The following VPS26C variants were observed in gnomAD, a reference collection of about 807,000 sequenced individuals.
VPS26C encodes the protein vacuolar protein sorting-associated protein 26C.
A neutral mutation model predicts 30.6 loss-of-function variants in VPS26C; 19 were observed. The observed-to-expected ratio is 0.62, with a 90% CI of 0.43 to 0.91. VPS26C has a LOEUF of 0.91. VPS26C is among the 40% of genes least tolerant of loss of function. The probability of loss-of-function intolerance (pLI) is 0.00; values close to 1 mark genes in which losing one functional copy is unlikely to be tolerated. For missense variants in VPS26C, 318 were observed against 385.1 expected, an observed-to-expected ratio of 0.83 and a Z score of 1.46; for synonymous variants, 132 against 151.5, an observed-to-expected ratio of 0.87 and a Z score of 0.95.
chr21:37,243,199 T>G (rs1391090857), intron 1 of VPS26C, among the ~76,000 whole-genome samples: 1 of 152,130 alleles, frequency 6.6e-6, no homozygotes. Context: ...CGTCTAGACT[T>G]TCATCAGGAA....
At chr21:37,239,273 T>C (rs1437546101) in intron 2 of VPS26C, among the ~76,000 whole-genome samples, 3 of 152,242 alleles carry the variant, frequency 2.0e-5, no homozygotes, top group Non-Finnish European at 2.9e-5. Context: ...TAAGTACTAA[T>C]GGATTAAAAT....
chr21:37,246,064 C>A (rs2086135463), intron 1 of VPS26C, among the ~76,000 whole-genome samples: 4 of 151,944 alleles, frequency 2.6e-5, no homozygotes, highest in Non-Finnish European at 4.4e-5. Flanking sequence ...AACAAACACA[C>A]AGCTATGCCT....
rs1464749093 is a variant in VPS26C, at chr21:37,225,753, C to CT, written c.812-128dup. 4.0e-6 allele frequency: 3 copies of CT among 750,520 alleles called. No homozygotes were observed. In the African/African-American group the frequency reaches 5.2e-5, roughly 13 times the overall value. 46.5% of individuals were successfully genotyped at this position (750,520 alleles called of 1,614,324 possible). On this transcript the variant is annotated intron_variant, in intron 7 of 7. Coordinates refer to ENST00000309117, the MANE Select transcript of VPS26C (RefSeq NM_006052.2). ...CACCCGGTGCGGGTGGGTTTCATTGCTGTCCCCTCAGCGCCACCCTGACCT... is the reference window on the plus strand; with the variant it reads ...CACCCGGTGCGGGTGGGTTTCATTGCTTGTCCCCTCAGCGCCACCCTGACCT...
chr21:37,252,640 C>T (rs953165006), intron 1 of VPS26C, among the ~76,000 whole-genome samples: 1 of 152,086 alleles, frequency 6.6e-6, no homozygotes, highest in Non-Finnish European at 1.5e-5. Context: ...AAAATCATGC[C>T]CAAGTGCTTC....
At chr21:37,228,198 C>T (rs1289188827) in intron 6 of VPS26C, 25 bp downstream of exon 6, 2 of 1,605,236 alleles carry the variant, frequency 1.2e-6, no homozygotes, top group Admixed American at 1.7e-5. Context: ...CAGGCAAGCG[C>T]CAGGCCTGGT....
intron 1 of VPS26C, among the ~76,000 whole-genome samples, chr21:37,266,525 A>G (rs1357875350): frequency 3.9e-5 from 6 of 152,184 alleles, no homozygotes; most frequent in African/African-American, 1.4e-4. Flanking sequence ...ATGTAGAGTA[A>G]GGGTTGAGAT....
intron 7 of VPS26C, 128 bp from the exon 8 acceptor site, chr21:37,225,754 T>C: frequency 1.3e-6 from 1 of 745,400 alleles, no homozygotes; most frequent in Non-Finnish European, 2.4e-6. Context: ...GTTTCATTGC[T>C]GTCCCCTCAG....
At position 37,240,595 on chromosome 21, in the gene VPS26C, G is replaced by A. The variant is rs2086076328; in HGVS notation, c.102C>T (p.Val34=). The change falls in exon 2 of 8, where the codon GTC becomes GTT. Residue 34 remains valine, a synonymous_variant. Coordinates refer to ENST00000309117, the MANE Select transcript of VPS26C (RefSeq NM_006052.2). ...GVVVISSKDS[V]QHQGVSLTME... is the part of the protein sequence containing the mutation. ...TGGTCAAAGACACTCCCTGGTGTTG[G>A]ACTGAATCCTTACTCGATATGACCA... 6.2e-7 allele frequency: 1 copy of A among 1,614,082 alleles called. No individual in the cohort carries two copies. The highest frequency in any genetic ancestry group is 8.5e-7 in the Non-Finnish European group (1 of 1,180,040).
At chr21:37,229,532 A>G (rs2085940206) in intron 5 of VPS26C, 1 of 152,268 alleles carries the variant, frequency 6.6e-6, no homozygotes, top group South Asian at 2.1e-4. Flanking sequence ...GAAGCCACAT[A>G]TATAATTTGG....
In VPS26C at chr21:37,242,564, T is replaced by C. The variant is rs533634417; in HGVS notation, c.58-1925A>G. On this transcript the variant is annotated intron_variant, in intron 1 of 7. Transcript: ENST00000309117. ...ATGAGCCACTGCACTCCAGCCTGAGTAATAGAGTGAGACCCTGTCTCAAAA... is the reference window on the plus strand; with the variant it reads ...ATGAGCCACTGCACTCCAGCCTGAGCAATAGAGTGAGACCCTGTCTCAAAA... 1.1e-4 allele frequency among the ~76,000 whole-genome samples: 16 copies of C among 152,088 alleles called. No homozygotes were observed. The South Asian group carries it at 3.1e-3, about 30-fold the overall frequency.
chr21:37,245,159 G>C (rs2086124975), intron 1 of VPS26C, among the ~76,000 whole-genome samples: 1 of 152,218 alleles, frequency 6.6e-6, no homozygotes, highest in South Asian at 2.1e-4. Flanking sequence ...ATTAAAAAAT[G>C]AGAGTGGGAA....
Position 37,267,235 on chromosome 21 carries a change from TA to T in VPS26C, c.57+2del. On this transcript the variant is annotated splice_donor_variant, in intron 1 of 7. Coordinates refer to ENST00000309117, the MANE Select transcript of VPS26C (RefSeq NM_006052.2). LOFTEE classifies it high-confidence loss of function. ...TCCATCCCCACCCCCAGCCCCCACTTACCCCGGCGTGATAAACTTTATTCGC... is the reference window on the plus strand; with the variant it reads ...TCCATCCCCACCCCCAGCCCCCACTTCCCCGGCGTGATAAACTTTATTCGC... 1 of 817,598 alleles carries T rather than the reference TA, an allele frequency of 1.2e-6. No individual in the cohort carries two copies. The highest frequency in any genetic ancestry group is 1.3e-5 in the South Asian group (1 of 75,342). The allele number at this position is 817,598 out of a possible 1,614,324, so 50.6% of individuals were successfully genotyped here.
intron 3 of VPS26C, among the ~76,000 whole-genome samples, chr21:37,236,312 T>A (rs1602269057): frequency 6.6e-6 from 1 of 152,226 alleles, no homozygotes; most frequent in Non-Finnish European, 1.5e-5. Flanking sequence ...GCACTTGCTC[T>A]ACTATAAAAC....
Position 37,257,380 on chromosome 21 carries a change from C to T in VPS26C, c.57+9858G>A, listed in dbSNP as rs1011612450. On this transcript the variant is annotated intron_variant, in intron 1 of 7. Transcript: ENST00000309117. This position sits in a 1 kb window ranked among gnomAD's most constrained non-coding sequence, Gnocchi z 4.2. ...CTGTTCGCAGGTGACGTGTGGACCA[C>T]GCTCTTCCGAAGCGTCTGGCCTGTG... 1.3e-5 allele frequency among the ~76,000 whole-genome samples: 2 copies of T among 152,176 alleles called. No homozygotes were observed. Among genetic ancestry groups the T allele is most frequent in the Non-Finnish European group, 2.9e-5 (2 of 68,038 alleles).
intron 1 of VPS26C, among the ~76,000 whole-genome samples, chr21:37,252,812 A>G (rs1045298542): frequency 6.6e-6 from 1 of 152,234 alleles, no homozygotes. Context: ...CTAATGATAA[A>G]GCCAGATTCA....
chr21:37,244,840 G>A (rs531046903), intron 1 of VPS26C, among the ~76,000 whole-genome samples: 11 of 152,274 alleles, frequency 7.2e-5, no homozygotes, highest in South Asian at 6.2e-4. Flanking sequence ...CTCTGCAAAC[G>A]TGCTTCTTCT....
At chr21:37,248,483 T>C (rs1234068066) in intron 1 of VPS26C, among the ~76,000 whole-genome samples, 1 of 152,068 alleles carries the variant, frequency 6.6e-6, no homozygotes, top group Non-Finnish European at 1.5e-5. Context: ...TTCAACTGTA[T>C]ATAAGTAAAT....
In VPS26C at chr21:37,226,675, C is replaced by T. The variant is rs1051144660; in HGVS notation, c.811+979G>A. ...GCTGCACTGGAGCCGCCATGATACCCAGGCGCTGCTTAGAGTCCGAGTGAG... is the reference window on the plus strand; with the variant it reads ...GCTGCACTGGAGCCGCCATGATACCTAGGCGCTGCTTAGAGTCCGAGTGAG... On this transcript the variant is annotated intron_variant, in intron 7 of 7. Coordinates refer to ENST00000309117, the MANE Select transcript of VPS26C (RefSeq NM_006052.2). This position sits in a 1 kb window ranked among gnomAD's most constrained non-coding sequence, Gnocchi z 4.1. 3.3e-5 allele frequency: 5 copies of T among 152,240 alleles called. No homozygotes were observed. Among genetic ancestry groups the T allele is most frequent in the South Asian group, 2.1e-4 (1 of 4,828 alleles). The allele number at this position is 152,240 out of a possible 1,614,324, so 9.4% of individuals were successfully genotyped here.
intron 1 of VPS26C, among the ~76,000 whole-genome samples, chr21:37,255,577 T>C (rs549353831): frequency 6.6e-6 from 1 of 152,268 alleles, no homozygotes; most frequent in East Asian, 1.9e-4. Context: ...CAGGACAGCT[T>C]GTTCCTATCA....
Sources: gnomAD v4.1 joint callset for allele counts (sites outside exome capture counted in the v4.1 genomes callset) on GRCh38, gnomAD v4.1.1 for gene constraint, Gnocchi (gnomAD v3.1) non-coding constraint, MANE v1.5 for transcripts, NCBI Gene and HGNC (gene_info 2026-07-23, HGNC 2026-07-21) for gene names.